ALK: variants seen among roughly 807,000 people sequenced by gnomAD.
ALK encodes ALK tyrosine kinase receptor.
A neutral mutation model predicts 163.1 loss-of-function variants in ALK; 74 were observed. That is an observed-to-expected ratio of 0.45 (90% CI 0.38 to 0.55). The LOEUF is 0.55. Ranked by LOEUF, ALK falls within the 20% of genes least tolerant of loss-of-function variation. The probability of loss-of-function intolerance (pLI) is 0.00; values close to 1 mark genes in which losing one functional copy is unlikely to be tolerated. For synonymous variants in ALK, 960 were observed against 843.2 expected (o/e 1.14, Z -2.40); for missense variants, 2,063 against 2,105.3 (o/e 0.98, Z 0.39).
Position 29,193,036 on chromosome 2 carries a change from T to G in ALK, c.*188A>C, listed in dbSNP as rs995040046. ...ATGATATTTTCTTCTTTCGAAAGAA[T>G]AGGATGAACCCATGCTCAAAACCTT... On this transcript the variant is annotated 3_prime_UTR_variant, in exon 29 of 29. Transcript: ENST00000389048. The G allele has an allele frequency of 6.2e-6, 4 of 645,894 alleles. No homozygotes were observed. The highest frequency in any genetic ancestry group is 1.1e-5 in the Non-Finnish European group (4 of 367,320). The allele number at this position is 645,894 out of a possible 1,614,324, so 40.0% of individuals were successfully genotyped here.
chr2:29,353,805 A>G (rs1364038489), intron 5 of ALK, among the ~76,000 whole-genome samples: 1 of 152,226 alleles, frequency 6.6e-6, no homozygotes, highest in Non-Finnish European at 1.5e-5. Flanking sequence ...TTCTGGGCAC[A>G]TAAAAGTGGC....
intron 8 of ALK, among the ~76,000 whole-genome samples, chr2:29,301,115 G>A (rs181306989): frequency 1.3e-5 from 2 of 152,288 alleles, no homozygotes; most frequent in East Asian, 1.9e-4. Context: ...GAATGAATGC[G>A]GGTTCCAGAC....
rs538535518 is a variant in ALK at position 29,528,486 on chromosome 2, C to T, written c.1154+3429G>A. 4.9e-4 allele frequency among the ~76,000 whole-genome samples: 74 copies of T among 152,282 alleles called. 1 individual carries two copies. The highest frequency in any genetic ancestry group is 7.3e-4 in the Non-Finnish European group (50 of 68,034). ...ATCTTAGCTCAGCCTCTTAATAATA[C>T]GAGCCTCAATTTTAAAACATTCACA... On this transcript the variant is annotated intron_variant, in intron 4 of 28. Transcript: ENST00000389048.
At chr2:29,414,105 A>G (rs1251683765) in intron 4 of ALK, among the ~76,000 whole-genome samples, 1 of 152,226 alleles carries the variant, frequency 6.6e-6, no homozygotes, top group African/African-American at 2.4e-5. Flanking sequence ...TGAGGTTAGG[A>G]TGGCTACAAC....
At chr2:29,826,964 A>C (rs1465640444) in intron 1 of ALK, among the ~76,000 whole-genome samples, 1 of 152,260 alleles carries the variant, frequency 6.6e-6, no homozygotes, top group African/African-American at 2.4e-5. Context: ...CATTTCAAAA[A>C]GGTTTGCCTT....
At chr2:29,691,489 C>G (rs1312789923) in intron 3 of ALK, among the ~76,000 whole-genome samples, 2 of 152,138 alleles carry the variant, frequency 1.3e-5, no homozygotes, top group East Asian at 1.9e-4. Flanking sequence ...ACAGTGATGA[C>G]TTTTCAGAGC....
intron 4 of ALK, among the ~76,000 whole-genome samples, chr2:29,479,777 G>T (rs1671618352): frequency 6.6e-6 from 1 of 152,198 alleles, no homozygotes; most frequent in South Asian, 2.1e-4. Flanking sequence ...CCCCAGATGA[G>T]TGGGTGCCCT....
chr2:29,279,533 C>T (rs980138747), intron 9 of ALK, among the ~76,000 whole-genome samples: 3 of 152,076 alleles, frequency 2.0e-5, no homozygotes, highest in African/African-American at 7.2e-5. Flanking sequence ...GATGGGCAGT[C>T]AGCAGGTAGA....
intron 3 of ALK, among the ~76,000 whole-genome samples, chr2:29,595,260 C>A (rs1675177047): frequency 2.0e-5 from 3 of 151,756 alleles, no homozygotes; most frequent in African/African-American, 7.3e-5. Context: ...CAGAGTGATC[C>A]CAGGTGGAAG....
chr2:29,742,214 T>C (rs536066016), intron 1 of ALK, among the ~76,000 whole-genome samples: 2 of 152,324 alleles, frequency 1.3e-5, no homozygotes, highest in South Asian at 2.1e-4. Flanking sequence ...ACAGGTCCAT[T>C]AGGTGAGATG....
At position 29,493,665 on chromosome 2, in the gene ALK, T is replaced by C. The variant is rs192357534; in HGVS notation, c.1154+38250A>G. Among the ~76,000 whole-genome samples the C allele has an allele frequency of 1.2e-4, 19 of 152,368 alleles. No individual in the cohort carries two copies. The East Asian group carries it at 3.7e-3, about 29-fold the overall frequency. The stretch of plus-strand genomic sequence containing the variant: ...CTCATCTGTATAATGGGGATAATAA[T>C]TCCTACTTCCCGAGGTTGTGGGAGG... On this transcript the variant is annotated intron_variant, in intron 4 of 28. Transcript: ENST00000389048.
chr2:29,796,776 G>C (rs939570570), intron 1 of ALK, among the ~76,000 whole-genome samples: 2 of 152,164 alleles, frequency 1.3e-5, no homozygotes, highest in African/African-American at 4.8e-5. Context: ...AGAAGCTCCG[G>C]TGTGGGGTGG....
chr2:29,906,248 C>T (rs1667547468), intron 1 of ALK, among the ~76,000 whole-genome samples: 1 of 152,158 alleles, frequency 6.6e-6, no homozygotes, highest in Non-Finnish European at 1.5e-5. Flanking sequence ...CATCATTTCT[C>T]ATTATATATT....
At position 29,192,909 on chromosome 2, in the gene ALK, C is replaced by A; in HGVS notation, c.*315G>T. The A allele has an allele frequency of 2.3e-6, 1 of 442,542 alleles. No homozygotes were observed. Among genetic ancestry groups the A allele is most frequent in the Non-Finnish European group, 4.2e-6 (1 of 237,896 alleles). The allele number at this position is 442,542 out of a possible 1,614,324, so 27.4% of individuals were successfully genotyped here. The stretch of plus-strand genomic sequence containing the variant: ...GCAGCTAATTCTGACTACATTGAAG[C>A]AGAGCACACACAATTTGAAAGAAGC... On this transcript the variant is annotated 3_prime_UTR_variant, in exon 29 of 29. Transcript: ENST00000389048.
intron 1 of ALK, among the ~76,000 whole-genome samples, chr2:29,813,757 G>C (rs1256295023): frequency 6.6e-6 from 1 of 152,112 alleles, no homozygotes; most frequent in African/African-American, 2.4e-5. Flanking sequence ...AACTCAGTCT[G>C]TTCTCCTTGT....
chr2:29,664,140 AG>A (rs1039891391), intron 3 of ALK, among the ~76,000 whole-genome samples: 2 of 152,170 alleles, frequency 1.3e-5, no homozygotes, highest in African/African-American at 4.8e-5. Flanking sequence ...TCTGAGAGCC[AG>A]GAGAGATGAT....
At chr2:29,314,299 G>A (rs1032515450) in intron 8 of ALK, among the ~76,000 whole-genome samples, 3 of 152,132 alleles carry the variant, frequency 2.0e-5, no homozygotes, top group African/African-American at 7.2e-5. Flanking sequence ...TGACACAAAG[G>A]ATGGGTCCCC....
chr2:29,285,841 T>A (rs1312133552), intron 9 of ALK, among the ~76,000 whole-genome samples: 1 of 152,118 alleles, frequency 6.6e-6, no homozygotes, highest in Non-Finnish European at 1.5e-5. Context: ...GGGATTACAG[T>A]TATGAGCCAC....
chr2:29,902,651 G>A (rs146309286), intron 1 of ALK, among the ~76,000 whole-genome samples: 9 of 152,316 alleles, frequency 5.9e-5, no homozygotes, highest in African/African-American at 1.9e-4. Context: ...AGTAGAGCAT[G>A]AGGCTCATTT....
Sources: gnomAD v4.1 joint callset for allele counts (sites outside exome capture counted in the v4.1 genomes callset) on GRCh38, gnomAD v4.1.1 for gene constraint, MANE v1.5 for transcripts, NCBI Gene and HGNC (gene_info 2026-07-23, HGNC 2026-07-21) for gene names.